The following C4BPA variants were observed in gnomAD, a reference collection of about 807,000 sequenced individuals.
C4BPA encodes the protein complement component 4 binding protein alpha, also known as C4b-binding protein alpha chain.
C4BPA carries 31 observed loss-of-function variants against 63.7 expected under a neutral mutation model. That is an observed-to-expected ratio of 0.49 (90% CI 0.37 to 0.66). The LOEUF (loss-of-function observed/expected upper bound fraction) is 0.66, where lower values mean the gene tolerates loss of function less well. C4BPA is among the 30% of genes least tolerant of loss of function. C4BPA has a pLI of 0.00. For missense variants in C4BPA, 572 were observed against 723.3 expected (o/e 0.79, Z 2.40); for synonymous variants, 259 against 254.7 (o/e 1.02, Z -0.16).
intron 7 of C4BPA, 64 bp downstream of exon 7, chr1:207,126,959 C>T (rs887357261): frequency 1.7e-4 from 210 of 1,215,060 alleles, no homozygotes; most frequent in Admixed American, 4.6e-4. Context: ...ACTGTTAATA[C>T]GGGTATACTT....
At chr1:207,129,455 A>T (rs1472912327) in intron 7 of C4BPA, among the ~76,000 whole-genome samples, 2 of 150,950 alleles carry the variant, frequency 1.3e-5, no homozygotes, top group Non-Finnish European at 3.0e-5. Flanking sequence ...ACAACACATT[A>T]ATCTACATAT....
chr1:207,137,044 T>C (rs998939462), intron 9 of C4BPA, among the ~76,000 whole-genome samples: 3 of 152,272 alleles, frequency 2.0e-5, no homozygotes, highest in Admixed American at 6.5e-5. Context: ...AAATTTATTG[T>C]TCTTTGTTTA....
rs564870299 is a variant in C4BPA, at chr1:207,118,695, T to C, written c.428+3180T>C. On this transcript the variant is annotated intron_variant, in intron 4 of 11. Coordinates refer to ENST00000367070, the MANE Select transcript of C4BPA (RefSeq NM_000715.4). ...GACACAGCCAAACCATGTCATATTA[T>C]TTGTAAAAATTTAAAAAAATTCTTT... Among the ~76,000 whole-genome samples, 3 of 152,336 alleles carry C rather than the reference T, an allele frequency of 2.0e-5. 1 individual carries two copies. In the South Asian group the frequency reaches 6.2e-4, roughly 32 times the overall value.
At chr1:207,113,291 G>A in intron 2 of C4BPA, 124 bp downstream of exon 2, 1 of 1,078,566 alleles carries the variant, frequency 9.3e-7, no homozygotes, top group African/African-American at 1.6e-5. Context: ...TCAACAAGTG[G>A]TTTATTTGAC....
Position 207,141,260 on chromosome 1 carries a change from A to G in C4BPA, c.1428A>G (p.Pro476=). 2 of 1,613,038 alleles carry G rather than the reference A, an allele frequency of 1.2e-6. No individual in the cohort carries two copies. The highest frequency in any genetic ancestry group is 1.7e-6 in the Non-Finnish European group (2 of 1,179,620). ...LSCSYSHWSA[P]APQCKALCRK... ...GCAGTTATTCACACTGGTCAGCTCC[A>G]GCCCCTCAATGTAAAGGTAACTCCA... Residue 476 remains proline (P), a synonymous_variant, in exon 10 of 12, where the codon CCA becomes CCG. Coordinates refer to ENST00000367070, the MANE Select transcript of C4BPA (RefSeq NM_000715.4).
At chr1:207,123,865 T>G in intron 4 of C4BPA, 57 bp from the exon 5 acceptor site, 3 of 965,874 alleles carry the variant, frequency 3.1e-6, no homozygotes, top group Non-Finnish European at 4.9e-6. Context: ...TCAGACCTCT[T>G]TAATTTAATT....
At chr1:207,111,005 T>C (rs770754858) in intron 1 of C4BPA, among the ~76,000 whole-genome samples, 18 of 152,232 alleles carry the variant, frequency 1.2e-4, no homozygotes, top group Non-Finnish European at 2.2e-4. Context: ...AATCTACTCA[T>C]TGTCAAAAAT....
chr1:207,126,626 C>T (rs1056324887), intron 6 of C4BPA, 87 bp from the exon 7 acceptor site: 5 of 918,874 alleles, frequency 5.4e-6, no homozygotes, highest in Non-Finnish European at 5.1e-6. Context: ...ATTTGTGTTG[C>T]ACTTGTAACT....
rs139290293 is a variant in C4BPA, at chr1:207,138,134, C to T, written c.1274-2972C>T. On this transcript the variant is annotated intron_variant, in intron 9 of 11. Transcript: ENST00000367070. ...ACCAAAAATATTTATCTGTGAACCA[C>T]GTTCAGAGTTTTCCCCATCCGGACA... Among the ~76,000 whole-genome samples, 486 of 152,268 alleles carry T rather than the reference C, an allele frequency of 3.2e-3. 2 individuals are homozygous for T. Among genetic ancestry groups the T allele is most frequent in the African/African-American group, 0.011 (453 of 41,544 alleles).
rs529927464 is a variant in C4BPA at position 207,120,091 on chromosome 1, A to C, written c.429-3831A>C. Among the ~76,000 whole-genome samples the C allele has an allele frequency of 5.5e-4, 84 of 152,154 alleles. 1 individual carries two copies. Among genetic ancestry groups the C allele is most frequent in the Non-Finnish European group, 6.3e-4 (43 of 68,000 alleles). On this transcript the variant is annotated intron_variant, in intron 4 of 11. Coordinates refer to ENST00000367070, the MANE Select transcript of C4BPA (RefSeq NM_000715.4). The stretch of plus-strand genomic sequence containing the variant: ...TCCAGACATACTCATCTTTACCATC[A>C]CTGTGCAGAAGCAATCTAATTTTTC...
intron 6 of C4BPA, among the ~76,000 whole-genome samples, chr1:207,124,853 C>T (rs1223810685): frequency 6.6e-6 from 1 of 152,196 alleles, no homozygotes; most frequent in Non-Finnish European, 1.5e-5. Context: ...ATATCACTTT[C>T]CATTACAGCC....
At chr1:207,144,401 G>A (rs1685487136) in intron 11 of C4BPA, 143 bp from the exon 12 acceptor site, 1 of 642,498 alleles carries the variant, frequency 1.6e-6, no homozygotes, top group Non-Finnish European at 2.6e-6. Context: ...TGGGACCCAA[G>A]TGATTTCTTG....
intron 6 of C4BPA, among the ~76,000 whole-genome samples, chr1:207,126,180 G>A (rs1026851677): frequency 7.9e-5 from 12 of 151,124 alleles, no homozygotes; most frequent in African/African-American, 2.9e-4. Flanking sequence ...TCTCGAAGAA[G>A]GACCAATGTA....
At chr1:207,124,559 G>A (rs570253945) in intron 6 of C4BPA, among the ~76,000 whole-genome samples, 193 bp downstream of exon 6, 19 of 152,276 alleles carry the variant, frequency 1.2e-4, no homozygotes, top group Admixed American at 4.6e-4. Context: ...AAAAATGGGA[G>A]TGGTGAACTG....
At chr1:207,126,991 A>G (rs1685059984) in intron 7 of C4BPA, 96 bp downstream of exon 7, 1 of 824,272 alleles carries the variant, frequency 1.2e-6, no homozygotes, top group Admixed American at 2.6e-5. Flanking sequence ...CCTACTATGA[A>G]TTACAGTAAA....
At chr1:207,118,250 C>T (rs182951180) in intron 4 of C4BPA, among the ~76,000 whole-genome samples, 1 of 132,776 alleles carries the variant, frequency 7.5e-6, no homozygotes, top group Non-Finnish European at 1.6e-5. Flanking sequence ...TATCTATCAT[C>T]TATCTACTAT....
At chr1:207,137,134 G>C (rs1184612358) in intron 9 of C4BPA, among the ~76,000 whole-genome samples, 1 of 152,200 alleles carries the variant, frequency 6.6e-6, no homozygotes, top group Non-Finnish European at 1.5e-5. Context: ...TATAAAATTT[G>C]TGTGCTTTTC....
Position 207,122,625 on chromosome 1 carries a change from G to T in C4BPA, c.429-1297G>T, listed in dbSNP as rs1000408269. Among the ~76,000 whole-genome samples, 30 of 152,272 alleles carry T rather than the reference G, an allele frequency of 2.0e-4. 1 individual carries two copies. Among genetic ancestry groups the T allele is most frequent in the African/African-American group, 6.5e-4 (27 of 41,554 alleles). ...TCTCACTCCCTTTGCCCAGGCTGGA[G>T]TGCAGTGGCACGATCATAGCTCACT... On this transcript the variant is annotated intron_variant, in intron 4 of 11. Coordinates refer to ENST00000367070, the MANE Select transcript of C4BPA (RefSeq NM_000715.4).
intron 8 of C4BPA, among the ~76,000 whole-genome samples, chr1:207,132,926 G>C (rs1255948610): frequency 1.3e-5 from 2 of 152,134 alleles, no homozygotes; most frequent in Non-Finnish European, 2.9e-5. Flanking sequence ...TCAGGACGCT[G>C]AGGTAGGAGG....
Sources: allele counts gnomAD v4.1 joint callset (sites outside exome capture counted in the v4.1 genomes callset), GRCh38; gene constraint gnomAD v4.1.1; transcripts MANE v1.5; gene names NCBI Gene and HGNC (gene_info 2026-07-23, HGNC 2026-07-21).